Variants in OXR1 observed in about 807,000 individuals in gnomAD.
The protein encoded by OXR1 is oxidation resistance 1, also known as oxidation resistance protein 1.
In OXR1, 41 loss-of-function variants were observed where a neutral mutation model predicts 104.6. The observed-to-expected ratio is 0.39, with a 90% CI of 0.31 to 0.51. The LOEUF (loss-of-function observed/expected upper bound fraction) is 0.51, where lower values mean the gene tolerates loss of function less well. Ranked by LOEUF, OXR1 falls within the 20% of genes least tolerant of loss-of-function variation. The pLI is 0.77. For synonymous variants in OXR1, 348 were observed against 348.4 expected, an observed-to-expected ratio of 1.00 and a Z score of 0.01; for missense variants, 955 against 1,031.9, an observed-to-expected ratio of 0.93 and a Z score of 1.02.
chr8:106,518,239 C>G (rs1028146124), intron 2 of OXR1, among the ~76,000 whole-genome samples: 4 of 152,102 alleles, frequency 2.6e-5, no homozygotes, highest in Admixed American at 2.0e-4. Flanking sequence ...GCAGAAGTAC[C>G]AAGGGCCAAT....
intron 11 of OXR1, among the ~76,000 whole-genome samples, chr8:106,715,083 AATGGATGAATACATT>A (rs1391452930): frequency 3.9e-5 from 6 of 152,144 alleles, no homozygotes; most frequent in African/African-American, 1.4e-4. Context: ...TTAGCAGGAG[AATGGATGAATACATT>A]TTTGAATACT....
At chr8:106,635,163 G>A (rs1328558352) in intron 3 of OXR1, among the ~76,000 whole-genome samples, 2 of 152,126 alleles carry the variant, frequency 1.3e-5, no homozygotes, top group Non-Finnish European at 2.9e-5. Context: ...TTAATTTCAC[G>A]AGGTGTGATA....
At chr8:106,455,068 A>G (rs28581459) in intron 2 of OXR1, among the ~76,000 whole-genome samples, 8,528 of 152,176 alleles carry the variant, frequency 0.056, 859 homozygotes, top group African/African-American at 0.2. Context: ...GGTTTGATAT[A>G]TTTCCTTCCT....
At chr8:106,387,082 A>C (rs1335832458) in intron 2 of OXR1, among the ~76,000 whole-genome samples, 1 of 152,188 alleles carries the variant, frequency 6.6e-6, no homozygotes, top group Non-Finnish European at 1.5e-5. Flanking sequence ...CTAACTTAAG[A>C]AATTGTTATG....
At chr8:106,679,653 T>G (rs905051255) in intron 4 of OXR1, among the ~76,000 whole-genome samples, 2 of 152,042 alleles carry the variant, frequency 1.3e-5, no homozygotes, top group Non-Finnish European at 2.9e-5. Flanking sequence ...TAATGGCAGA[T>G]GGGATACATA....
At chr8:106,689,898 A>AACT (rs1249442390) in intron 6 of OXR1, among the ~76,000 whole-genome samples, 1 of 151,874 alleles carries the variant, frequency 6.6e-6, no homozygotes, top group Non-Finnish European at 1.5e-5. Context: ...TAGGAATATC[A>AACT]AAGTAGTTTG....
intron 1 of OXR1, among the ~76,000 whole-genome samples, chr8:106,283,585 T>C (rs775157749): frequency 6.6e-6 from 1 of 152,194 alleles, no homozygotes; most frequent in Non-Finnish European, 1.5e-5. Context: ...CCAAAGCATA[T>C]CATTTGAGTG....
rs566462319 is a variant in OXR1 at position 106,273,032 on chromosome 8, A to C, written c.-139+2665A>C. On this transcript the variant is annotated intron_variant, in intron 1 of 16. Transcript: ENST00000517566. Reference sequence around the variant, plus strand: ...TGTGTGCAGGAAAAGGCTTCATTATAGAATGCTAAATTTAATGTGAGATGA... The same window carrying C: ...TGTGTGCAGGAAAAGGCTTCATTATCGAATGCTAAATTTAATGTGAGATGA... 9 of 152,254 alleles carry C rather than the reference A, an allele frequency of 5.9e-5. No homozygotes were observed. In the Middle Eastern group the frequency reaches 0.01, roughly 173 times the overall value. The allele number at this position is 152,254 out of a possible 1,614,324, so 9.4% of individuals were successfully genotyped here.
At chr8:106,310,293 T>A (rs1813646189) in intron 1 of OXR1, among the ~76,000 whole-genome samples, 1 of 150,808 alleles carries the variant, frequency 6.6e-6, no homozygotes. Context: ...AACTTCTCAA[T>A]AACTTTGTTA....
chr8:106,701,066 ATC>A (rs918841913), intron 7 of OXR1, among the ~76,000 whole-genome samples: 2 of 152,186 alleles, frequency 1.3e-5, no homozygotes, highest in African/African-American at 4.8e-5. Context: ...GTACTTTACC[ATC>A]TCTCATTGAC....
Position 106,588,580 on chromosome 8 carries a change from C to T in OXR1, c.220+69441C>T, listed in dbSNP as rs189483439. ...TTGGCTCACTGCAACCTCTGCCTCCCGGGTTCAAGCAATTCTCCTGCCTCA... is the reference window on the plus strand; with the variant it reads ...TTGGCTCACTGCAACCTCTGCCTCCTGGGTTCAAGCAATTCTCCTGCCTCA... On this transcript the variant is annotated intron_variant, in intron 3 of 16. Coordinates refer to ENST00000517566, the MANE Select transcript of OXR1 (RefSeq NM_001198533.2). Among the ~76,000 whole-genome samples the T allele has an allele frequency of 1.9e-4, 29 of 151,552 alleles. No individual in the cohort carries two copies. In the East Asian group the frequency reaches 2.0e-3, roughly 10 times the overall value.
At chr8:106,421,416 CAT>C (rs1282660617) in intron 2 of OXR1, among the ~76,000 whole-genome samples, 2 of 152,116 alleles carry the variant, frequency 1.3e-5, no homozygotes, top group African/African-American at 4.8e-5. Context: ...TAATTCTTCA[CAT>C]GTCTATAGGT....
intron 2 of OXR1, among the ~76,000 whole-genome samples, chr8:106,452,636 TGG>T (rs1820379311): frequency 6.6e-6 from 1 of 152,150 alleles, no homozygotes; most frequent in African/African-American, 2.4e-5. Context: ...AAGTTTAACT[TGG>T]TCACCAATTT....
intron 3 of OXR1, among the ~76,000 whole-genome samples, chr8:106,533,558 CAG>C (rs1478582424): frequency 1.3e-5 from 2 of 152,118 alleles, no homozygotes; most frequent in African/African-American, 4.8e-5. Context: ...CTATGTATTG[CAG>C]AGTCATACCA....
chr8:106,509,811 G>A (rs921717466), intron 2 of OXR1, among the ~76,000 whole-genome samples: 18 of 152,014 alleles, frequency 1.2e-4, no homozygotes, highest in Non-Finnish European at 2.1e-4. Flanking sequence ...TCGCTCTGTC[G>A]CCCAGGCTGG....
chr8:106,593,610 C>T (rs964448320), intron 3 of OXR1, among the ~76,000 whole-genome samples: 5 of 143,634 alleles, frequency 3.5e-5, no homozygotes, highest in African/African-American at 5.1e-5. Context: ...AACCCCGTCT[C>T]TGCTAAAATA....
At chr8:106,599,886 A>T (rs1819833532) in intron 3 of OXR1, among the ~76,000 whole-genome samples, 1 of 151,710 alleles carries the variant, frequency 6.6e-6, no homozygotes, top group South Asian at 2.1e-4. Context: ...GTTCCACCAC[A>T]GATGATCAGG....
At chr8:106,402,667 A>G (rs1586607938) in intron 2 of OXR1, among the ~76,000 whole-genome samples, 1 of 152,160 alleles carries the variant, frequency 6.6e-6, no homozygotes, top group African/African-American at 2.4e-5. Context: ...CTTTTCCTCA[A>G]TGCAAGTTTA....
At position 106,551,827 on chromosome 8, in the gene OXR1, C is replaced by CACATAT. The variant is rs751692564; in HGVS notation, c.220+32689_220+32690insCATATA. On this transcript the variant is annotated intron_variant, in intron 3 of 16. Coordinates refer to ENST00000517566, the MANE Select transcript of OXR1 (RefSeq NM_001198533.2). ...ATATATATATATACACACACACACA[C>CACATAT]ATATATATATGTGTACATATATGTG... Among the ~76,000 whole-genome samples, 527 of 141,722 alleles carry CACATAT rather than the reference C, an allele frequency of 3.7e-3. 5 individuals are homozygous for CACATAT. The highest frequency in any genetic ancestry group is 0.012 in the African/African-American group (443 of 37,542). The allele number at this position is 141,722 out of a possible 152,430, so 93.0% of individuals were successfully genotyped here. A position where few individuals can be genotyped will look rare whatever the true frequency, so the allele number is the denominator to read the frequency against.
Sources: allele counts gnomAD v4.1 joint callset (sites outside exome capture counted in the v4.1 genomes callset), GRCh38; gene constraint gnomAD v4.1.1; transcripts MANE v1.5; gene names NCBI Gene and HGNC (gene_info 2026-07-23, HGNC 2026-07-21).